The following OTOA variants were observed in gnomAD, a reference collection of about 807,000 sequenced individuals.
OTOA encodes otoancorin.
In OTOA, 70 loss-of-function variants were observed where a neutral mutation model predicts 110.8. The ratio of observed to expected loss-of-function variants is 0.63; its 90% CI spans 0.52 to 0.77. The LOEUF is 0.77. OTOA is among the 30% of genes least tolerant of loss of function. OTOA has a pLI of 0.00. For synonymous variants in OTOA, 373 were observed against 431.5 expected (o/e 0.86, Z 1.68); for missense variants, 917 against 1,075.8 (o/e 0.85, Z 2.06).
intron 28 of OTOA, among the ~76,000 whole-genome samples, chr16:21,757,951 T>C (rs1273391754): frequency 6.6e-6 from 1 of 152,106 alleles, no homozygotes. Context: ...CCATGTTTAC[T>C]GGGCACCTAC....
At chr16:21,695,879 A>AT (rs1897922684) in intron 9 of OTOA, among the ~76,000 whole-genome samples, 1 of 37,654 alleles carries the variant, frequency 2.7e-5, no homozygotes, top group Non-Finnish European at 5.2e-5. Context: ...ATATATATAT[A>AT]TATATATATA....
intron 18 of OTOA, 131 bp downstream of exon 18, chr16:21,723,109 T>G (rs1408768394): frequency 4.6e-6 from 4 of 861,192 alleles, no homozygotes; most frequent in Non-Finnish European, 7.7e-6. Context: ...CCTTAGAGAG[T>G]TAAGCCCTTG....
At chr16:21,689,063 G>T (rs544643073) in intron 8 of OTOA, among the ~76,000 whole-genome samples, 2 of 152,224 alleles carry the variant, frequency 1.3e-5, no homozygotes, top group South Asian at 4.2e-4. Context: ...ATGAAATTGC[G>T]CTTTGATGTA....
At chr16:21,680,391 G>A (rs1353504381) in intron 5 of OTOA, among the ~76,000 whole-genome samples, 37 of 152,086 alleles carry the variant, frequency 2.4e-4, no homozygotes, top group Non-Finnish European at 5.9e-5. Flanking sequence ...GTGCATACCT[G>A]TAGTCCCAGC....
At chr16:21,734,914 G>A (rs528261219) in intron 21 of OTOA, among the ~76,000 whole-genome samples, 1 of 152,052 alleles carries the variant, frequency 6.6e-6, no homozygotes, top group South Asian at 2.1e-4. Context: ...CGAGGTGGGC[G>A]AATCACTTGA....
intron 8 of OTOA, among the ~76,000 whole-genome samples, chr16:21,689,258 T>C (rs1897781488): frequency 6.6e-6 from 1 of 152,194 alleles, no homozygotes; most frequent in Non-Finnish European, 1.5e-5. Context: ...CTTTTATCTT[T>C]TGTAGCCAAA....
intron 18 of OTOA, among the ~76,000 whole-genome samples, chr16:21,724,900 C>T (rs1898866914): frequency 6.6e-6 from 1 of 151,942 alleles, no homozygotes. Context: ...CCTCAGCCTC[C>T]CCAGTAGCTG....
intron 1 of OTOA, among the ~76,000 whole-genome samples, chr16:21,674,642 G>GTTT (rs79596787): frequency 6.9e-6 from 1 of 145,126 alleles, no homozygotes. Flanking sequence ...CTTCATTATG[G>GTTT]TTTTTTTTTT....
intron 2 of OTOA, 82 bp downstream of exon 2, chr16:21,678,687 A>T: frequency 7.5e-7 from 1 of 1,333,072 alleles, no homozygotes; most frequent in Non-Finnish European, 1.1e-6. Context: ...TAGGTACATG[A>T]TGCTGTAAGT....
At chr16:21,750,412 CAAA>C (rs761415597) in intron 24 of OTOA, among the ~76,000 whole-genome samples, 9 of 36,388 alleles carry the variant, frequency 2.5e-4, no homozygotes, top group Admixed American at 4.5e-4. Flanking sequence ...GACCTTGTCT[CAAA>C]AAAAAAAAAA....
chr16:21,715,587 G>A (rs889563010), intron 14 of OTOA, among the ~76,000 whole-genome samples: 1 of 151,756 alleles, frequency 6.6e-6, no homozygotes, highest in African/African-American at 2.4e-5. Flanking sequence ...ACATCACCAT[G>A]CCTGGCTAAT....
intron 1 of OTOA, among the ~76,000 whole-genome samples, chr16:21,669,656 C>T (rs1008033030): frequency 3.3e-5 from 5 of 152,120 alleles, no homozygotes; most frequent in African/African-American, 9.7e-5. Flanking sequence ...TCCCTACATT[C>T]GATCTTTTGG....
intron 21 of OTOA, among the ~76,000 whole-genome samples, 174 bp downstream of exon 21, chr16:21,731,104 G>A (rs1362389882): frequency 1.3e-5 from 2 of 151,878 alleles, no homozygotes; most frequent in African/African-American, 2.4e-5. Flanking sequence ...TCTGGAAAAG[G>A]GAGTGAGTCC....
At chr16:21,700,327 C>T (rs761322398) in intron 10 of OTOA, among the ~76,000 whole-genome samples, 17 of 152,062 alleles carry the variant, frequency 1.1e-4, no homozygotes, top group Admixed American at 5.2e-4. Context: ...CAAAGATTAG[C>T]TTTTAAAAAG....
At chr16:21,721,348 T>A (rs760697953) in intron 17 of OTOA, 3 of 455,926 alleles carry the variant, frequency 6.6e-6, no homozygotes, top group South Asian at 4.6e-5. Flanking sequence ...AACAGAGTAC[T>A]GTTTTGCCCT....
At chr16:21,713,281 AGTT>A (rs1898415321) in intron 13 of OTOA, among the ~76,000 whole-genome samples, 1 of 152,106 alleles carries the variant, frequency 6.6e-6, no homozygotes, top group South Asian at 2.1e-4. Context: ...AATTTCTTCA[AGTT>A]TTTAAAGCTG....
intron 1 of OTOA, 105 bp from the exon 2 acceptor site, chr16:21,678,406 C>A: frequency 1.6e-6 from 1 of 645,022 alleles, no homozygotes; most frequent in Non-Finnish European, 2.4e-6. Flanking sequence ...TTCTGAATGT[C>A]CATATATATA....
chr16:21,689,332 A>G (rs1014035853), intron 8 of OTOA, among the ~76,000 whole-genome samples: 1 of 152,136 alleles, frequency 6.6e-6, no homozygotes, highest in African/African-American at 2.4e-5. Context: ...AGTTTTTTTC[A>G]CTAAGATGTA....
Position 21,717,011 on chromosome 16 carries a change from T to A in OTOA, c.1593T>A (p.Ser531=). The A allele has an allele frequency of 6.2e-7, 1 of 1,614,142 alleles. No homozygotes were observed. Among genetic ancestry groups the A allele is most frequent in the Non-Finnish European group, 8.5e-7 (1 of 1,180,010 alleles). The change falls in exon 15 of 29, where the codon TCT becomes TCA. Residue 531 remains serine (S), a synonymous_variant. Transcript: ENST00000646100. ...FDLRRQPGFN[S]TVLKDKELGR... ...TAAGGAGGCAACCTGGATTCAACTC[T>A]ACAGTCCTGAAGGATAAGGAACTTG...
Sources: gnomAD v4.1 joint callset for allele counts (sites outside exome capture counted in the v4.1 genomes callset) on GRCh38, gnomAD v4.1.1 for gene constraint, MANE v1.5 for transcripts, NCBI Gene and HGNC (gene_info 2026-07-23, HGNC 2026-07-21) for gene names.